Variants in PACS2 observed in about 807,000 individuals in gnomAD.
PACS2 encodes the protein phosphofurin acidic cluster sorting protein 2.
In PACS2, 36 loss-of-function variants were observed where a neutral mutation model predicts 113.0. The observed-to-expected ratio is 0.32, with a 90% confidence interval of 0.24 to 0.42. PACS2 has a LOEUF of 0.42. PACS2 is among the 10% of genes least tolerant of loss of function. PACS2 has a pLI of 1.00. For synonymous variants in PACS2, 589 were observed against 536.1 expected (o/e 1.10, Z -1.36); for missense variants, 1,015 against 1,239.5 (o/e 0.82, Z 2.72).
At chr14:105,374,718 G>C (rs1195440468) in intron 8 of PACS2, 1 of 152,276 alleles carries the variant, frequency 6.6e-6, no homozygotes, top group Admixed American at 6.5e-5. Context: ...CCCTGGAGGT[G>C]TGTGCTGGCT....
At chr14:105,352,672 T>G (rs1333588923) in intron 3 of PACS2, among the ~76,000 whole-genome samples, 3 of 127,264 alleles carry the variant, frequency 2.4e-5, no homozygotes, top group East Asian at 5.3e-4. Flanking sequence ...CACCGTCCCC[T>G]GGGGCGACGG....
At chr14:105,343,781 T>A (rs966383459) in intron 1 of PACS2, among the ~76,000 whole-genome samples, 3 of 151,944 alleles carry the variant, frequency 2.0e-5, no homozygotes, top group Non-Finnish European at 2.9e-5. Flanking sequence ...CTGCAACCTT[T>A]ACCTCCCTGG....
intron 15 of PACS2, 45 bp downstream of exon 15, chr14:105,382,958 G>C: frequency 8.5e-7 from 1 of 1,175,148 alleles, no homozygotes; most frequent in Non-Finnish European, 1.3e-6. Context: ...GTACCCCTCG[G>C]GGTCCCTGCA....
intron 8 of PACS2, chr14:105,371,716 T>G (rs1555409431): frequency 6.6e-6 from 1 of 152,192 alleles, no homozygotes; most frequent in Non-Finnish European, 1.5e-5. Context: ...AGATGCACAG[T>G]GAGACGAGGT....
intron 1 of PACS2, among the ~76,000 whole-genome samples, chr14:105,306,486 G>T (rs587688985): frequency 6.6e-6 from 1 of 151,568 alleles, no homozygotes; most frequent in Non-Finnish European, 1.5e-5. Context: ...TGTATTTTTA[G>T]TAGAGATGGG....
Position 105,391,755 on chromosome 14 carries a change from G to C in PACS2, c.2244G>C (p.Leu748=). ...PPSSPSVSGG[L]SSPSQGVGAE... ...CCTCCCCGTCGGTGAGCGGAGGCCT[G>C]TCCTCCCCCAGGTAAAGGTGCCTCA... Residue 748 remains leucine, a synonymous_variant, in exon 22 of 25, where the codon CTG becomes CTC. Coordinates refer to ENST00000447393, the MANE Select transcript of PACS2 (RefSeq NM_001100913.3). 6.3e-7 allele frequency: 1 copy of C among 1,593,438 alleles called. No individual in the cohort carries two copies. The highest frequency in any genetic ancestry group is 8.5e-7 in the Non-Finnish European group (1 of 1,171,388).
chr14:105,375,488 A>G (rs1555410184), intron 8 of PACS2, among the ~76,000 whole-genome samples: 1 of 151,824 alleles, frequency 6.6e-6, no homozygotes, highest in Non-Finnish European at 1.5e-5. Context: ...TCTCAAAAAA[A>G]AAAAAAAAAA....
chr14:105,380,278 G>A (rs1407854644), intron 11 of PACS2, 124 bp downstream of exon 11: 3 of 794,872 alleles, frequency 3.8e-6, no homozygotes, highest in Non-Finnish European at 6.1e-6. Context: ...GGTGTGCAGA[G>A]GTGGGGTCAG....
At chr14:105,337,788 T>C (rs1414619539) in intron 1 of PACS2, among the ~76,000 whole-genome samples, 1 of 152,224 alleles carries the variant, frequency 6.6e-6, no homozygotes, top group Non-Finnish European at 1.5e-5. Context: ...TCTGTGCCTC[T>C]GAACAAAACT....
Position 105,396,497 on chromosome 14 carries a change from CTTTTTTTTTTTT to C in PACS2, c.*1835_*1846del, listed in dbSNP as rs1170035802. 8.6e-6 allele frequency: 1 copy of C among 115,628 alleles called. No individual in the cohort carries two copies. The highest frequency in any genetic ancestry group is 2.8e-4 in the South Asian group (1 of 3,582). The allele number at this position is 115,628 out of a possible 1,614,324, so 7.2% of individuals were successfully genotyped here. On this transcript the variant is annotated 3_prime_UTR_variant, in exon 25 of 25. Coordinates refer to ENST00000447393, the MANE Select transcript of PACS2 (RefSeq NM_001100913.3). ...GTTTTTCTGCTCTCCAGTTTCTTTT[CTTTTTTTTTTTT>C]TTTTTTTTTGAGATGGAGTCTTGCT...
At chr14:105,349,775 G>C (rs1299815044) in intron 2 of PACS2, among the ~76,000 whole-genome samples, 5 of 152,276 alleles carry the variant, frequency 3.3e-5, no homozygotes, top group Admixed American at 6.5e-5. Flanking sequence ...GGGTGGTGGG[G>C]CCTTGCCCCA....
chr14:105,363,680 G>A (rs1344066430), intron 4 of PACS2, among the ~76,000 whole-genome samples: 1 of 152,128 alleles, frequency 6.6e-6, no homozygotes, highest in East Asian at 1.9e-4. Flanking sequence ...TCCTGTGTTC[G>A]CTGGAGCAGC....
chr14:105,392,905 C>A, intron 23 of PACS2, 60 bp downstream of exon 23: 2 of 1,348,272 alleles, frequency 1.5e-6, no homozygotes, highest in South Asian at 1.2e-5. Flanking sequence ...TGGGAGAGGG[C>A]GGCTCGCAGT....
Position 105,317,461 on chromosome 14 carries a change from C to T in PACS2, c.119+2424C>T, listed in dbSNP as rs1390808560. ...GCCCCCACTGACAGGGACGAGAGTC[C>T]CCACTGCTCCACATTTGTGCCAACA... On this transcript the variant is annotated intron_variant, in intron 1 of 24. Coordinates refer to ENST00000447393, the MANE Select transcript of PACS2 (RefSeq NM_001100913.3). This position sits in a 1 kb window ranked among gnomAD's most constrained non-coding sequence, Gnocchi z 4.2. Among the ~76,000 whole-genome samples, 2 of 152,102 alleles carry T rather than the reference C, an allele frequency of 1.3e-5. No individual in the cohort carries two copies. Among genetic ancestry groups the T allele is most frequent in the East Asian group, 1.9e-4 (1 of 5,186 alleles).
chr14:105,311,327 C>T (rs1253821150), upstream of PACS2, among the ~76,000 whole-genome samples: 1 of 152,114 alleles, frequency 6.6e-6, no homozygotes, highest in Non-Finnish European at 1.5e-5. Flanking sequence ...GATCCTGGTT[C>T]ACTGCAACCT....
chr14:105,326,576 G>A (rs138257099), intron 1 of PACS2, among the ~76,000 whole-genome samples: 184 of 152,338 alleles, frequency 1.2e-3, no homozygotes, highest in Middle Eastern at 6.8e-3. Flanking sequence ...GGTGGGGCCC[G>A]GGAGGGTGGC....
At chr14:105,377,188 C>A (rs1443199275) in intron 9 of PACS2, among the ~76,000 whole-genome samples, 3 of 152,118 alleles carry the variant, frequency 2.0e-5, no homozygotes, top group African/African-American at 7.2e-5. Context: ...CGAGAGGGGT[C>A]CCCCAGGGTG....
At chr14:105,325,177 G>T (rs1021784880) in intron 1 of PACS2, among the ~76,000 whole-genome samples, 2 of 151,608 alleles carry the variant, frequency 1.3e-5, no homozygotes, top group East Asian at 2.0e-4. Context: ...GACGGGGGGG[G>T]GCTCGGACAC....
intron 19 of PACS2, among the ~76,000 whole-genome samples, chr14:105,388,413 A>G (rs782290076): frequency 2.4e-4 from 37 of 152,354 alleles, no homozygotes; most frequent in Middle Eastern, 3.4e-3. Context: ...ACTGGGATCA[A>G]GCCTCTGCCC....
Sources: gnomAD v4.1 joint callset for allele counts (sites outside exome capture counted in the v4.1 genomes callset) on GRCh38, gnomAD v4.1.1 for gene constraint, Gnocchi (gnomAD v3.1) non-coding constraint, MANE v1.5 for transcripts, NCBI Gene and HGNC (gene_info 2026-07-23, HGNC 2026-07-21) for gene names.